SPOCK1: variants seen among roughly 807,000 people sequenced by gnomAD.
SPOCK1 encodes testican-1.
SPOCK1 carries 23 observed loss-of-function variants against 55.3 expected under a neutral mutation model. The observed-to-expected ratio is 0.42, with a 90% CI of 0.30 to 0.59. The LOEUF is 0.59. SPOCK1 is among the 20% of genes least tolerant of loss of function. The pLI is 0.22. For missense variants in SPOCK1, 499 were observed against 552.5 expected, an observed-to-expected ratio of 0.90 and a Z score of 0.97; for synonymous variants, 226 against 221.0, an observed-to-expected ratio of 1.02 and a Z score of -0.20.
At chr5:137,018,836 G>A (rs1751503987) in intron 6 of SPOCK1, among the ~76,000 whole-genome samples, 1 of 151,962 alleles carries the variant, frequency 6.6e-6, no homozygotes, top group African/African-American at 2.4e-5. Flanking sequence ...TACAAGACAA[G>A]CTGGAAAACA....
intron 3 of SPOCK1, among the ~76,000 whole-genome samples, chr5:137,144,614 C>T (rs1222615971): frequency 6.6e-6 from 1 of 152,172 alleles, no homozygotes; most frequent in Non-Finnish European, 1.5e-5. Context: ...GTGTCATTTC[C>T]ATTTAAACTC....
intron 4 of SPOCK1, among the ~76,000 whole-genome samples, chr5:137,113,747 G>A (rs1420901008): frequency 6.6e-6 from 1 of 152,190 alleles, no homozygotes; most frequent in Non-Finnish European, 1.5e-5. Flanking sequence ...ACAGGTGGGG[G>A]TATGGAGGAT....
intron 2 of SPOCK1, among the ~76,000 whole-genome samples, chr5:137,267,349 G>C (rs775441492): frequency 6.6e-6 from 1 of 152,136 alleles, no homozygotes; most frequent in Non-Finnish European, 1.5e-5. Context: ...CACCTTCTAG[G>C]TGCAAGGTGT....
chr5:137,023,958 G>GCAT (rs1468188985), intron 6 of SPOCK1, among the ~76,000 whole-genome samples: 7 of 71,566 alleles, frequency 9.8e-5, no homozygotes, highest in African/African-American at 2.2e-4. Flanking sequence ...TGTCAATATA[G>GCAT]TATTTTTTTT....
chr5:137,237,369 C>T (rs927574738), intron 3 of SPOCK1, among the ~76,000 whole-genome samples: 1 of 151,982 alleles, frequency 6.6e-6, no homozygotes, highest in Non-Finnish European at 1.5e-5. Flanking sequence ...CTACTTAGTC[C>T]CAGGAAGGAA....
At chr5:137,084,721 C>A (rs1317597083) in intron 5 of SPOCK1, among the ~76,000 whole-genome samples, 1 of 151,772 alleles carries the variant, frequency 6.6e-6, no homozygotes, top group Non-Finnish European at 1.5e-5. Context: ...ACCCAAAAAA[C>A]AAAAAACAGA....
At chr5:137,030,533 G>T (rs1751759663) in intron 6 of SPOCK1, among the ~76,000 whole-genome samples, 1 of 152,122 alleles carries the variant, frequency 6.6e-6, no homozygotes, top group Non-Finnish European at 1.5e-5. Context: ...ATTAAAATAG[G>T]AATCAATTCT....
intron 3 of SPOCK1, among the ~76,000 whole-genome samples, chr5:137,227,408 T>C (rs1755966010): frequency 6.6e-6 from 1 of 152,154 alleles, no homozygotes; most frequent in Non-Finnish European, 1.5e-5. Flanking sequence ...AAAAGAAATT[T>C]GAAAGCAAGA....
intron 5 of SPOCK1, among the ~76,000 whole-genome samples, chr5:137,109,037 G>C (rs536465407): frequency 3.9e-5 from 6 of 152,186 alleles, no homozygotes; most frequent in Admixed American, 3.9e-4. Context: ...AGGTTCACAG[G>C]GAGCTGGCAT....
chr5:137,320,346 A>G (rs1046351957), intron 2 of SPOCK1, among the ~76,000 whole-genome samples: 7 of 152,224 alleles, frequency 4.6e-5, no homozygotes, highest in African/African-American at 1.4e-4. Flanking sequence ...TGGCAGCACC[A>G]GAGAACTTGT....
intron 9 of SPOCK1, among the ~76,000 whole-genome samples, chr5:136,982,560 AG>A (rs1750752822): frequency 6.6e-6 from 1 of 152,140 alleles, no homozygotes; most frequent in Non-Finnish European, 1.5e-5. Flanking sequence ...TATTTTCCAC[AG>A]GGGAACATAG....
intron 3 of SPOCK1, among the ~76,000 whole-genome samples, chr5:137,159,165 C>G (rs1409809575): frequency 1.3e-5 from 2 of 152,044 alleles, no homozygotes; most frequent in Non-Finnish European, 2.9e-5. Context: ...GATGGAGATA[C>G]AATATTCCTA....
chr5:137,488,306 GGCAGAGGTT>G (rs1172109277), intron 2 of SPOCK1, among the ~76,000 whole-genome samples: 2 of 152,090 alleles, frequency 1.3e-5, no homozygotes, highest in Non-Finnish European at 2.9e-5. Flanking sequence ...GAACCCAAGC[GGCAGAGGTT>G]GCAGTGAGCT....
At chr5:136,990,077 T>C (rs1750917254) in intron 7 of SPOCK1, among the ~76,000 whole-genome samples, 2 of 151,946 alleles carry the variant, frequency 1.3e-5, no homozygotes, top group African/African-American at 4.8e-5. Flanking sequence ...GCCCAGCTAA[T>C]TTTTTTGTAT....
chr5:137,387,470 G>T (rs577563319), intron 2 of SPOCK1, among the ~76,000 whole-genome samples: 1 of 152,290 alleles, frequency 6.6e-6, no homozygotes, highest in South Asian at 2.1e-4. Flanking sequence ...AAAAAGAAAT[G>T]AGCTGTCAAG....
intron 2 of SPOCK1, among the ~76,000 whole-genome samples, chr5:137,485,694 T>G (rs548797590): frequency 6.6e-6 from 1 of 152,026 alleles, no homozygotes; most frequent in Non-Finnish European, 1.5e-5. Flanking sequence ...AATTGTGGAA[T>G]ATTTATACTG....
intron 3 of SPOCK1, among the ~76,000 whole-genome samples, chr5:137,184,372 C>G (rs2127066141): frequency 6.6e-6 from 1 of 152,232 alleles, no homozygotes; most frequent in African/African-American, 2.4e-5. Context: ...GCCTTCTCTC[C>G]CCTGGGCCCA....
At chr5:137,393,192 C>T (rs532343182) in intron 2 of SPOCK1, among the ~76,000 whole-genome samples, 3 of 152,178 alleles carry the variant, frequency 2.0e-5, no homozygotes, top group Non-Finnish European at 2.9e-5. Flanking sequence ...TTCTTCACCC[C>T]TTCCTGTATG....
chr5:137,385,358 T>C (rs1468019205), intron 2 of SPOCK1, among the ~76,000 whole-genome samples: 2 of 152,206 alleles, frequency 1.3e-5, no homozygotes, highest in Non-Finnish European at 2.9e-5. Flanking sequence ...ATTGTAATGA[T>C]GTGATGTCAG....
Sources: allele counts gnomAD v4.1 joint callset (sites outside exome capture counted in the v4.1 genomes callset), GRCh38; gene constraint gnomAD v4.1.1; transcripts MANE v1.5; gene names NCBI Gene and HGNC (gene_info 2026-07-23, HGNC 2026-07-21).